Variants in PRELID2 observed in about 807,000 individuals in gnomAD.
The protein encoded by PRELID2 is PRELI domain-containing protein 2.
Under a neutral mutation model 28.4 loss-of-function variants are expected in PRELID2, and 25 were observed. The ratio of observed to expected loss-of-function variants is 0.88; its 90% CI spans 0.64 to 1.23. The LOEUF is 1.23. Ranked by LOEUF, PRELID2 falls within the 50% of genes most tolerant of loss-of-function variation. The pLI is 0.00. For missense variants in PRELID2, 201 were observed against 214.4 expected, an observed-to-expected ratio of 0.94 and a Z score of 0.39; for synonymous variants, 76 against 71.6, an observed-to-expected ratio of 1.06 and a Z score of -0.31.
chr5:145,738,207 A>T (rs777490871), intron 1 of PRELID2, among the ~76,000 whole-genome samples: 6 of 152,206 alleles, frequency 3.9e-5, no homozygotes, highest in African/African-American at 1.4e-4. Flanking sequence ...CCCCAGCTGG[A>T]GTAATGTCAC....
chr5:145,704,941 C>T (rs1312341611), intron 1 of PRELID2, among the ~76,000 whole-genome samples: 1 of 152,072 alleles, frequency 6.6e-6, no homozygotes, highest in Admixed American at 6.6e-5. Flanking sequence ...CTTTCCAGGC[C>T]CTTTCAGAAG....
At chr5:145,633,856 G>T (rs79576725) in intron 1 of PRELID2, among the ~76,000 whole-genome samples, 1 of 152,094 alleles carries the variant, frequency 6.6e-6, no homozygotes, top group Admixed American at 6.6e-5. Flanking sequence ...GTAATTTTGC[G>T]AAATACTTCC....
At chr5:145,336,851 C>G in the PRELID2 span, among the ~76,000 whole-genome samples, 2 of 150,828 alleles carry the variant, frequency 1.3e-5, no homozygotes, top group Non-Finnish European at 2.9e-5. Context: ...TCTCAGTAAA[C>G]TATCGCAAGA....
chr5:145,472,596 T>G (rs1374958439), intron 2 of PRELID2, among the ~76,000 whole-genome samples: 1 of 152,168 alleles, frequency 6.6e-6, no homozygotes, highest in East Asian at 1.9e-4. Flanking sequence ...CCCCCAGCCC[T>G]TTATGCCTAC....
At chr5:145,419,167 G>A in the PRELID2 span, among the ~76,000 whole-genome samples, 1 of 150,480 alleles carries the variant, frequency 6.6e-6, no homozygotes, top group African/African-American at 2.4e-5. Flanking sequence ...CTTTGCTATT[G>A]TGAATAATGC....
chr5:145,698,576 T>C (rs1755334970), intron 1 of PRELID2, among the ~76,000 whole-genome samples: 2 of 152,330 alleles, frequency 1.3e-5, no homozygotes, highest in South Asian at 2.1e-4. Flanking sequence ...TCCTGGCTCA[T>C]AGAACAGTGC....
At chr5:145,661,381 C>T (rs1754489641) in intron 1 of PRELID2, among the ~76,000 whole-genome samples, 1 of 152,064 alleles carries the variant, frequency 6.6e-6, no homozygotes, top group African/African-American at 2.4e-5. Flanking sequence ...CATTGCATGA[C>T]CCACTTAACT....
chr5:145,272,845 C>T, the PRELID2 span, among the ~76,000 whole-genome samples: 2 of 152,070 alleles, frequency 1.3e-5, no homozygotes, highest in African/African-American at 2.4e-5. Context: ...TTCGCTTACT[C>T]GTTATGGGCT....
At chr5:145,250,835 T>C in the PRELID2 span, among the ~76,000 whole-genome samples, 1 of 152,114 alleles carries the variant, frequency 6.6e-6, no homozygotes, top group Non-Finnish European at 1.5e-5. Context: ...CAATCACTTT[T>C]GGGAGGTTAG....
At chr5:145,653,846 A>T (rs894888692) in intron 1 of PRELID2, among the ~76,000 whole-genome samples, 1 of 152,226 alleles carries the variant, frequency 6.6e-6, no homozygotes, top group African/African-American at 2.4e-5. Flanking sequence ...GAATTAGAGA[A>T]GCAAGAGCAA....
chr5:145,411,772 C>T, the PRELID2 span, among the ~76,000 whole-genome samples: 4 of 152,198 alleles, frequency 2.6e-5, no homozygotes, highest in Non-Finnish European at 4.4e-5. Flanking sequence ...ATGAGGGCTC[C>T]ATCCCTGTAT....
chr5:145,607,595 T>C (rs902976825), intron 1 of PRELID2, among the ~76,000 whole-genome samples: 2 of 152,208 alleles, frequency 1.3e-5, no homozygotes, highest in East Asian at 1.9e-4. Flanking sequence ...TATTGCACTG[T>C]TGTCCAAGAG....
At chr5:145,779,427 A>C (rs1437602978) in intron 5 of PRELID2, among the ~76,000 whole-genome samples, 1 of 152,136 alleles carries the variant, frequency 6.6e-6, no homozygotes, top group African/African-American at 2.4e-5. Context: ...CTGAATGTTC[A>C]ATACTAAAGG....
At chr5:145,255,058 C>T in the PRELID2 span, among the ~76,000 whole-genome samples, 1 of 152,086 alleles carries the variant, frequency 6.6e-6, no homozygotes, top group East Asian at 1.9e-4. Context: ...CCACCCCTCA[C>T]ACACTAACAG....
intron 1 of PRELID2, among the ~76,000 whole-genome samples, chr5:145,643,899 G>A (rs1234197661): frequency 6.6e-6 from 1 of 152,136 alleles, no homozygotes. Context: ...TTGATGTACT[G>A]CTGGATTTTG....
the PRELID2 span, among the ~76,000 whole-genome samples, chr5:145,369,023 T>C: frequency 6.6e-6 from 1 of 151,870 alleles, no homozygotes; most frequent in African/African-American, 2.4e-5. Context: ...TGTCCGTGTA[T>C]TTTCATCATT....
At chr5:145,726,741 C>A (rs898364154) in intron 1 of PRELID2, among the ~76,000 whole-genome samples, 1 of 152,316 alleles carries the variant, frequency 6.6e-6, no homozygotes, top group South Asian at 2.1e-4. Flanking sequence ...CCAGTTCTGA[C>A]ACCAGCTGTA....
chr5:145,491,181 G>T (rs1433843020), intron 1 of PRELID2, among the ~76,000 whole-genome samples: 1 of 152,168 alleles, frequency 6.6e-6, no homozygotes, highest in South Asian at 2.1e-4. Flanking sequence ...TTAAAAACAA[G>T]AATTTACTTC....
chr5:145,424,444 C>A, the PRELID2 span, among the ~76,000 whole-genome samples: 7 of 152,164 alleles, frequency 4.6e-5, no homozygotes, highest in African/African-American at 9.7e-5. Context: ...CATGGTGCAC[C>A]GTTTTTTAAG....
Sources: allele counts gnomAD v4.1 joint callset (sites outside exome capture counted in the v4.1 genomes callset), GRCh38; gene constraint gnomAD v4.1.1; transcripts MANE v1.5; gene names NCBI Gene and HGNC (gene_info 2026-07-23, HGNC 2026-07-21).